Variants in DPYD observed in about 807,000 individuals in gnomAD.
DPYD encodes dihydropyrimidine dehydrogenase.
In DPYD, 109 loss-of-function variants were observed where a neutral mutation model predicts 116.2. The ratio of observed to expected loss-of-function variants is 0.94; its 90% confidence interval spans 0.80 to 1.10. DPYD has a LOEUF of 1.10. Ranked by LOEUF, DPYD falls within the 50% of genes least tolerant of loss-of-function variation. The pLI, the probability that DPYD is intolerant of heterozygous loss-of-function variation, is 0.00. For missense variants in DPYD, 1,302 were observed against 1,254.5 expected (o/e 1.04, Z -0.57); for synonymous variants, 440 against 432.0 (o/e 1.02, Z -0.23).
Position 97,737,762 on chromosome 1 carries a change from CAT to C in DPYD, c.321+2628_321+2629del, listed in dbSNP as rs938990356. Among the ~76,000 whole-genome samples, 11 of 151,794 alleles carry C rather than the reference CAT, an allele frequency of 7.2e-5. 1 individual carries two copies. Among genetic ancestry groups the C allele is most frequent in the East Asian group, 3.9e-4 (2 of 5,180 alleles). On this transcript the variant is annotated intron_variant, in intron 4 of 22. Transcript: ENST00000370192. ...ATGTACAATATATATCCCTCTCAAC[CAT>C]ATATATATACACACACACATACATG...
At chr1:97,745,925 C>G (rs1459783756) in intron 3 of DPYD, among the ~76,000 whole-genome samples, 2 of 151,880 alleles carry the variant, frequency 1.3e-5, no homozygotes, top group African/African-American at 4.8e-5. Flanking sequence ...AATTTGAAGA[C>G]TGAGAAAAAA....
At chr1:97,857,936 T>C (rs1210854593) in intron 2 of DPYD, among the ~76,000 whole-genome samples, 5 of 152,072 alleles carry the variant, frequency 3.3e-5, no homozygotes, top group African/African-American at 9.6e-5. Flanking sequence ...TGGTGTCTAC[T>C]GCTTGGTGTA....
At chr1:97,585,026 T>C (rs1054273210) in intron 10 of DPYD, among the ~76,000 whole-genome samples, 3 of 151,632 alleles carry the variant, frequency 2.0e-5, no homozygotes, top group African/African-American at 7.2e-5. Context: ...TTTTGAGTTG[T>C]ATGTACATAC....
At chr1:97,627,564 C>A (rs1657005069) in intron 8 of DPYD, among the ~76,000 whole-genome samples, 1 of 152,012 alleles carries the variant, frequency 6.6e-6, no homozygotes, top group Non-Finnish European at 1.5e-5. Flanking sequence ...TTTTTCATTT[C>A]TTGTTAACAA....
At chr1:97,136,458 G>A (rs1020005563) in intron 20 of DPYD, among the ~76,000 whole-genome samples, 6 of 152,166 alleles carry the variant, frequency 3.9e-5, no homozygotes, top group African/African-American at 9.7e-5. Flanking sequence ...ACTGCCTCGC[G>A]AATCCAGTCA....
Position 97,318,938 on chromosome 1 carries a change from C to T in DPYD, c.2059-12641G>A, listed in dbSNP as rs1158479675. Among the ~76,000 whole-genome samples the T allele has an allele frequency of 1.7e-3, 235 of 135,694 alleles. 1 individual carries two copies. Among genetic ancestry groups the T allele is most frequent in the Non-Finnish European group, 2.8e-3 (175 of 63,348 alleles). The allele number at this position is 135,694 out of a possible 152,430, so 89.0% of individuals were successfully genotyped here. On this transcript the variant is annotated intron_variant, in intron 16 of 22. Coordinates refer to ENST00000370192, the MANE Select transcript of DPYD (RefSeq NM_000110.4). ...CAGGATTAAGAATCTCACTCAAAGC[C>T]GCTCAACTACATGGAAACTGAACAA...
chr1:97,157,273 A>G (rs1214050444), intron 20 of DPYD, among the ~76,000 whole-genome samples: 1 of 151,888 alleles, frequency 6.6e-6, no homozygotes, highest in Non-Finnish European at 1.5e-5. Flanking sequence ...TAATAATAAT[A>G]AAATAAAATT....
chr1:97,847,423 C>T (rs765324197), intron 2 of DPYD, among the ~76,000 whole-genome samples: 4 of 152,024 alleles, frequency 2.6e-5, no homozygotes, highest in Non-Finnish European at 5.9e-5. Flanking sequence ...TATTTAAAAT[C>T]ATTCTTTGAA....
At chr1:97,422,108 T>C (rs1038150225) in intron 14 of DPYD, among the ~76,000 whole-genome samples, 1 of 152,202 alleles carries the variant, frequency 6.6e-6, no homozygotes, top group African/African-American at 2.4e-5. Flanking sequence ...GAATTAACTT[T>C]TTTAAAAAAG....
chr1:97,656,006 A>G (rs1000590366), intron 8 of DPYD, among the ~76,000 whole-genome samples: 2 of 152,218 alleles, frequency 1.3e-5, no homozygotes, highest in African/African-American at 4.8e-5. Flanking sequence ...ATAAAGGCTT[A>G]GAAGACAAGA....
chr1:97,557,428 G>C (rs1651828478), intron 11 of DPYD, among the ~76,000 whole-genome samples: 1 of 147,124 alleles, frequency 6.8e-6, no homozygotes, highest in African/African-American at 2.5e-5. Context: ...TGATTCTCGT[G>C]CTTCAGCCTC....
In DPYD at chr1:97,382,418, C is replaced by CA; in HGVS notation, c.1948dup (p.Trp650LeufsTer9). On this transcript the variant is annotated frameshift_variant, in exon 15 of 23. Transcript: ENST00000370192. LOFTEE classifies it high-confidence loss of function. ...CTCAGACTTCTTGGCAAGTTCCGTC[C>CA]AGTCATTTTTATTGTAACTGCACAT... is the stretch of plus-strand genomic sequence containing the variant. The CA allele has an allele frequency of 6.3e-7, 1 of 1,598,482 alleles. No homozygotes were observed. The highest frequency in any genetic ancestry group is 8.5e-7 in the Non-Finnish European group (1 of 1,172,054).
intron 18 of DPYD, among the ~76,000 whole-genome samples, chr1:97,284,214 T>C (rs1665513574): frequency 6.6e-6 from 1 of 152,288 alleles, no homozygotes. Flanking sequence ...ACAATGTTCA[T>C]GGTATATATC....
intron 18 of DPYD, among the ~76,000 whole-genome samples, chr1:97,265,966 A>G (rs1054215391): frequency 3.9e-5 from 6 of 152,342 alleles, no homozygotes; most frequent in Admixed American, 2.6e-4. Flanking sequence ...CAGCATTTTA[A>G]TTGGTAAATA....
At chr1:97,400,007 G>C (rs1299950841) in intron 14 of DPYD, among the ~76,000 whole-genome samples, 1 of 152,110 alleles carries the variant, frequency 6.6e-6, no homozygotes. Context: ...TGGTGAGAGA[G>C]GGCATCCCTG....
chr1:97,149,815 T>C (rs186955859), intron 20 of DPYD, among the ~76,000 whole-genome samples: 4 of 152,334 alleles, frequency 2.6e-5, no homozygotes, highest in Admixed American at 1.3e-4. Context: ...AACCACCTCA[T>C]AATGATGTCT....
At chr1:97,227,075 C>A (rs903000098) in intron 19 of DPYD, among the ~76,000 whole-genome samples, 3 of 151,970 alleles carry the variant, frequency 2.0e-5, no homozygotes, top group Admixed American at 6.6e-5. Flanking sequence ...CTCCTTTAAT[C>A]CCAGTCTTTT....
chr1:97,891,222 T>A lies in DPYD; in HGVS notation c.40-7848A>T, dbSNP rs78219943. Among the ~76,000 whole-genome samples, 6 of 152,006 alleles carry A rather than the reference T, an allele frequency of 3.9e-5. No homozygotes were observed. The East Asian group carries it at 1.2e-3, about 30-fold the overall frequency. On this transcript the variant is annotated intron_variant, in intron 1 of 22. Coordinates refer to ENST00000370192, the MANE Select transcript of DPYD (RefSeq NM_000110.4). Reference sequence around the variant, plus strand: ...TCTAAATTGCATTTTTCCTAAGAAATGGCCAAAGGCACGTTCCAACAGGTC... The same window carrying A: ...TCTAAATTGCATTTTTCCTAAGAAAAGGCCAAAGGCACGTTCCAACAGGTC...
At chr1:97,125,674 G>A (rs1441977291) in intron 20 of DPYD, among the ~76,000 whole-genome samples, 4 of 151,994 alleles carry the variant, frequency 2.6e-5, no homozygotes, top group Non-Finnish European at 2.9e-5. Flanking sequence ...TAGGTCATGA[G>A]GGTGAAGTCC....
Sources: gnomAD v4.1 joint callset for allele counts (sites outside exome capture counted in the v4.1 genomes callset) on GRCh38, gnomAD v4.1.1 for gene constraint, MANE v1.5 for transcripts, NCBI Gene and HGNC (gene_info 2026-07-23, HGNC 2026-07-21) for gene names.